Variants in SPG21 observed in about 807,000 individuals in gnomAD.
The protein encoded by SPG21 is maspardin.
SPG21 carries 26 observed loss-of-function variants against 38.9 expected under a neutral mutation model. That is an observed-to-expected ratio of 0.67 (90% confidence interval 0.49 to 0.93). SPG21 has a LOEUF of 0.93. SPG21 is among the 40% of genes least tolerant of loss of function. The pLI is 0.00. For synonymous variants in SPG21, 136 were observed against 128.9 expected (o/e 1.05, Z -0.37); for missense variants, 333 against 376.5 (o/e 0.88, Z 0.96).
intron 3 of SPG21, among the ~76,000 whole-genome samples, chr15:64,978,743 T>C (rs943528683): frequency 6.6e-6 from 1 of 152,158 alleles, no homozygotes; most frequent in African/African-American, 2.4e-5. Flanking sequence ...ATGGAGTCTT[T>C]AATTTATAAA....
At chr15:64,984,153 A>G (rs1054343037) in intron 1 of SPG21, among the ~76,000 whole-genome samples, 6 of 152,158 alleles carry the variant, frequency 3.9e-5, no homozygotes, top group African/African-American at 1.4e-4. Context: ...TGGTCTAGAA[A>G]ATTTAAATGA....
At position 64,980,924 on chromosome 15, in the gene SPG21, A is replaced by C. The variant is rs774588129; in HGVS notation, c.165T>G (p.Thr55=). The C allele has an allele frequency of 3.7e-6, 6 of 1,614,132 alleles. No homozygotes were observed. In the Admixed American group the frequency reaches 1.0e-4, roughly 27 times the overall value. ...PLIFLPPVSG[T]ADVFFRQILA... is the part of the protein sequence containing the mutation. ...AAATCTGCCGGAAAAAGACATCTGCAGTTCCACTGACAGGGGGCAGGAATA... is the reference window on the plus strand; with the variant it reads ...AAATCTGCCGGAAAAAGACATCTGCCGTTCCACTGACAGGGGGCAGGAATA... The change falls in exon 3 of 9, where the codon ACT becomes ACG. Residue 55 remains threonine, a synonymous_variant. Transcript: ENST00000204566.
At chr15:64,988,525 C>A (rs1194996869) in intron 1 of SPG21, 1 of 152,248 alleles carries the variant, frequency 6.6e-6, no homozygotes, top group Non-Finnish European at 1.5e-5. Context: ...CAGAAGTACA[C>A]AGCTATCCTT....
Position 64,974,651 on chromosome 15 carries a change from T to G in SPG21, c.403A>C (p.Asn135His). The change falls in exon 5 of 9, where the codon AAT becomes CAT. Residue 135 changes from asparagine to histidine, a missense_variant. Coordinates refer to ENST00000204566, the MANE Select transcript of SPG21 (RefSeq NM_016630.7). ...SPRVHSLILCNSFSDTSIFNQ... is the reference protein window; with the variant it reads ...SPRVHSLILCHSFSDTSIFNQ... ...AAGATAGAGGTGTCACTGAAGGAAT[T>G]GCAGAGGATTAGGGAATGGACTCTA... 1 of 1,614,194 alleles carries G rather than the reference T, an allele frequency of 6.2e-7. No homozygotes were observed. Among genetic ancestry groups the G allele is most frequent in the Non-Finnish European group, 8.5e-7 (1 of 1,180,034 alleles).
At chr15:64,983,271 T>TACAA (rs1555401141) in intron 2 of SPG21, 1 of 209,056 alleles carries the variant, frequency 4.8e-6, no homozygotes, top group Non-Finnish European at 9.8e-6. Flanking sequence ...CAAAAATAAA[T>TACAA]ATAAATAAAT....
At chr15:64,974,507 A>C (rs2085736957) in intron 5 of SPG21, 95 bp downstream of exon 5, 2 of 1,427,200 alleles carry the variant, frequency 1.4e-6, no homozygotes, top group African/African-American at 2.8e-5. Flanking sequence ...CAGAATATAG[A>C]AGTAGATATA....
rs1319264250 is a variant in SPG21 at position 64,963,455 on chromosome 15, G to A, written c.*165C>T. The A allele has an allele frequency of 9.1e-6, 6 of 656,776 alleles. No individual in the cohort carries two copies. The highest frequency in any genetic ancestry group is 1.6e-5 in the Non-Finnish European group (6 of 365,256). The allele number at this position is 656,776 out of a possible 1,614,324, so 40.7% of individuals were successfully genotyped here. A position where few individuals can be genotyped will look rare whatever the true frequency, so the allele number is the denominator to read the frequency against. ...GAGGGAACAGTTACACAGGCTTAGT[G>A]GAGATGCCGCCTGTCATGAAGATGA... On this transcript the variant is annotated 3_prime_UTR_variant, in exon 9 of 9. Coordinates refer to ENST00000204566, the MANE Select transcript of SPG21 (RefSeq NM_016630.7).
At chr15:64,980,713 G>A (rs1041779280) in intron 3 of SPG21, 151 bp downstream of exon 3, 13 of 948,516 alleles carry the variant, frequency 1.4e-5, no homozygotes, top group Middle Eastern at 3.3e-4. Flanking sequence ...ACTCCAGCCC[G>A]GGCGACAGAG....
chr15:64,980,898 A>T lies in SPG21; in HGVS notation c.191T>A (p.Leu64Ter). 6.2e-7 allele frequency: 1 copy of T among 1,614,124 alleles called. No homozygotes were observed. The highest frequency in any genetic ancestry group is 1.1e-5 in the South Asian group (1 of 91,082). Reference sequence around the variant, plus strand: ...CCGGTAACCCCATCCAGTCAGAGCCAAAATCTGCCGGAAAAAGACATCTGC... The same window carrying T: ...CCGGTAACCCCATCCAGTCAGAGCCTAAATCTGCCGGAAAAAGACATCTGC... ...GTADVFFRQI[L>*]ALTGWGYRVI... The change falls in exon 3 of 9, where the codon TTG (leucine) becomes TAG (stop). Residue 64 changes from leucine (L) to a stop codon, truncating the protein, a stop_gained. Transcript: ENST00000204566. LOFTEE classifies it high-confidence loss of function.
Position 64,963,462 on chromosome 15 carries a change from C to T in SPG21, c.*158G>A. 1 of 665,076 alleles carries T rather than the reference C, an allele frequency of 1.5e-6. No individual in the cohort carries two copies. The highest frequency in any genetic ancestry group is 1.8e-5 in the African/African-American group (1 of 56,008). The allele number at this position is 665,076 out of a possible 1,614,324, so 41.2% of individuals were successfully genotyped here. ...CAGTTACACAGGCTTAGTGGAGATG[C>T]CGCCTGTCATGAAGATGACCATCAG... On this transcript the variant is annotated 3_prime_UTR_variant, in exon 9 of 9. Coordinates refer to ENST00000204566, the MANE Select transcript of SPG21 (RefSeq NM_016630.7).
intron 2 of SPG21, chr15:64,983,074 A>T: frequency 4.6e-6 from 1 of 216,338 alleles, no homozygotes; most frequent in South Asian, 4.6e-5. Context: ...CCTGGCCAAC[A>T]TGGTGAAACT....
rs370160488 is a variant in SPG21, at chr15:64,974,716, A to T, written c.338T>A (p.Phe113Tyr). 4.3e-6 allele frequency: 7 copies of T among 1,614,152 alleles called. No individual in the cohort carries two copies. Among genetic ancestry groups the T allele is most frequent in the Non-Finnish European group, 5.9e-6 (7 of 1,180,024 alleles). Residue 113 changes from phenylalanine to tyrosine, a missense_variant, in exon 5 of 9, where the codon TTT (phenylalanine) becomes TAT (tyrosine). By Grantham distance (22) the Phe-to-Tyr change is conservative (BLOSUM62 3). Coordinates refer to ENST00000204566, the MANE Select transcript of SPG21 (RefSeq NM_016630.7). ...GTATTCAGCAAATTTCTGGGCCAAA[A>T]AGCCTCCCAAAGAAGCGCCAAAAAG... Reference protein sequence around the residue: ...VHLFGASLGGFLAQKFAEYTH... With the variant: ...VHLFGASLGGYLAQKFAEYTH...
chr15:64,977,502 G>A (rs1308747445), intron 3 of SPG21, among the ~76,000 whole-genome samples: 5 of 152,074 alleles, frequency 3.3e-5, no homozygotes, highest in Admixed American at 6.6e-5. Flanking sequence ...GGAATCACAG[G>A]CATGCACCAC....
chr15:64,974,865 T>A, intron 4 of SPG21, 118 bp from the exon 5 acceptor site: 1 of 1,127,396 alleles, frequency 8.9e-7, no homozygotes, highest in Non-Finnish European at 1.3e-6. Flanking sequence ...GCCAATAGAC[T>A]AAAATATTTA....
At chr15:64,983,784 T>C (rs2085931950) in intron 1 of SPG21, among the ~76,000 whole-genome samples, 191 bp from the exon 2 acceptor site, 1 of 150,560 alleles carries the variant, frequency 6.6e-6, no homozygotes, top group Non-Finnish European at 1.5e-5. Flanking sequence ...TCAGAAGCAC[T>C]CTTTTTTTTT....
At chr15:64,976,312 C>G (rs2140431120) in intron 4 of SPG21, among the ~76,000 whole-genome samples, 163 bp downstream of exon 4, 1 of 152,226 alleles carries the variant, frequency 6.6e-6, no homozygotes, top group South Asian at 2.1e-4. Flanking sequence ...GTAATCCCAG[C>G]TATTTTGGAG....
intron 3 of SPG21, among the ~76,000 whole-genome samples, chr15:64,976,986 T>C (rs1440366721): frequency 6.6e-6 from 1 of 152,208 alleles, no homozygotes; most frequent in Non-Finnish European, 1.5e-5. Context: ...TTTGGTAGCA[T>C]TTCTTTAAGA....
chr15:64,975,963 G>C (rs2085764463), intron 4 of SPG21, among the ~76,000 whole-genome samples: 1 of 152,006 alleles, frequency 6.6e-6, no homozygotes, highest in African/African-American at 2.4e-5. Context: ...GGGAAGATGA[G>C]GACCGACTGC....
intron 6 of SPG21, among the ~76,000 whole-genome samples, chr15:64,969,908 A>G (rs1267601637): frequency 6.6e-6 from 1 of 152,130 alleles, no homozygotes; most frequent in Non-Finnish European, 1.5e-5. Context: ...TATTTTTGAA[A>G]GCTCCCCTAA....
Sources: gnomAD v4.1 joint callset for allele counts (sites outside exome capture counted in the v4.1 genomes callset) on GRCh38, gnomAD v4.1.1 for gene constraint, MANE v1.5 for transcripts, NCBI Gene and HGNC (gene_info 2026-07-23, HGNC 2026-07-21) for gene names.